Variants in CRB1 observed in about 807,000 individuals in gnomAD.
CRB1 encodes the protein crumbs cell polarity complex component 1.
CRB1 carries 83 observed loss-of-function variants against 120.0 expected under a neutral mutation model. The ratio of observed to expected loss-of-function variants is 0.69; its 90% confidence interval spans 0.58 to 0.83. The LOEUF (loss-of-function observed/expected upper bound fraction) is 0.83. CRB1 is among the 40% of genes least tolerant of loss of function. The pLI is 0.00. For synonymous variants in CRB1, 625 were observed against 612.5 expected, an observed-to-expected ratio of 1.02 and a Z score of -0.30; for missense variants, 1,699 against 1,687.6, an observed-to-expected ratio of 1.01 and a Z score of -0.12.
chr1:197,223,425 T>G, the CRB1 span, among the ~76,000 whole-genome samples: 5 of 152,324 alleles, frequency 3.3e-5, 1 homozygote, highest in South Asian at 1.0e-3. Context: ...ATTACAGTAT[T>G]GATGTGAATC....
At chr1:197,281,742 T>C (rs919311666) in intron 1 of CRB1, among the ~76,000 whole-genome samples, 2 of 151,850 alleles carry the variant, frequency 1.3e-5, no homozygotes, top group African/African-American at 2.4e-5. Context: ...AAAGGGAGGA[T>C]AGCGAAGAAT....
intron 5 of CRB1, among the ~76,000 whole-genome samples, chr1:197,398,889 T>C (rs1172451043): frequency 1.6e-5 from 2 of 124,732 alleles, no homozygotes; most frequent in African/African-American, 6.0e-5. Flanking sequence ...GGTCAGGAAA[T>C]GATTGTGTGT....
chr1:197,392,612 A>G (rs1454820164), intron 5 of CRB1, among the ~76,000 whole-genome samples: 2 of 152,146 alleles, frequency 1.3e-5, no homozygotes, highest in South Asian at 2.1e-4. Flanking sequence ...GGGAAAAGAG[A>G]AACAGGATAA....
At chr1:197,270,759 G>A (rs1047891324) in intron 1 of CRB1, among the ~76,000 whole-genome samples, 2 of 152,098 alleles carry the variant, frequency 1.3e-5, no homozygotes, top group Non-Finnish European at 2.9e-5. Flanking sequence ...TGGTAGATCT[G>A]GAATGTGAAC....
Position 197,427,922 on chromosome 1 carries a change from C to A in CRB1, c.2597C>A (p.Pro866Gln). The change falls in exon 7 of 12, where the codon CCA becomes CAA. Residue 866 changes from proline (P) to glutamine (Q), a missense_variant. By Grantham distance (76) the Pro-to-Gln change is moderately conservative. Transcript: ENST00000367400. ...AACAACCAAAATCTGGAATTCTTTC[C>A]AAATCCAACAAACAATGCATCTCTC... ...RLNNQNLEFF[P>Q]NPTNNASLNP... The A allele has an allele frequency of 6.2e-7, 1 of 1,613,948 alleles. No individual in the cohort carries two copies. The highest frequency in any genetic ancestry group is 1.1e-5 in the South Asian group (1 of 91,066).
intron 1 of CRB1, among the ~76,000 whole-genome samples, chr1:197,309,045 ATATT>A (rs752399739): frequency 5.3e-5 from 8 of 151,612 alleles, no homozygotes; most frequent in African/African-American, 1.5e-4. Flanking sequence ...GTATATGTAT[ATATT>A]TATGTTACAT....
chr1:197,408,870 C>T (rs1310189710), intron 5 of CRB1, among the ~76,000 whole-genome samples: 2 of 152,208 alleles, frequency 1.3e-5, no homozygotes, highest in African/African-American at 2.4e-5. Context: ...CAGTGCTGTA[C>T]TTTCTACTTG....
intron 11 of CRB1, 128 bp downstream of exon 11, chr1:197,442,420 A>G: frequency 1.9e-6 from 3 of 1,599,656 alleles, no homozygotes; most frequent in Non-Finnish European, 1.7e-6. Flanking sequence ...GATTATTAAC[A>G]TACATTTGAA....
chr1:197,463,740 T>C (rs1351069460), intron 11 of CRB1, among the ~76,000 whole-genome samples: 1 of 152,210 alleles, frequency 6.6e-6, no homozygotes, highest in African/African-American at 2.4e-5. Flanking sequence ...CAGAAAATAT[T>C]AAATCCTCAG....
chr1:197,222,414 T>G, the CRB1 span: 8 of 768,094 alleles, frequency 1.0e-5, no homozygotes, highest in South Asian at 1.1e-4. Flanking sequence ...AGGTGACCTA[T>G]TTCATCGTCC....
rs191539734 is a variant in CRB1, at chr1:197,476,734, C to T, written c.4006-930C>T. On this transcript the variant is annotated intron_variant, in intron 11 of 11. Transcript: ENST00000367400. Reference sequence around the variant, plus strand: ...CATTTGTAATAGATTGGTTTGGTAACGTGGGGATGAGTCCTAGAGAAAGCT... The same window carrying T: ...CATTTGTAATAGATTGGTTTGGTAATGTGGGGATGAGTCCTAGAGAAAGCT... Among the ~76,000 whole-genome samples, 139 of 152,160 alleles carry T rather than the reference C, an allele frequency of 9.1e-4. No homozygotes were observed. The South Asian group carries it at 9.8e-3, about 11-fold the overall frequency.
chr1:197,331,505 G>A (rs954501113), intron 2 of CRB1, among the ~76,000 whole-genome samples: 5 of 152,090 alleles, frequency 3.3e-5, no homozygotes, highest in Non-Finnish European at 7.4e-5. Flanking sequence ...ATACTGAGGT[G>A]TCTCTTTCTT....
At chr1:197,469,818 G>A (rs1247004159) in intron 11 of CRB1, among the ~76,000 whole-genome samples, 1 of 152,042 alleles carries the variant, frequency 6.6e-6, no homozygotes, top group Non-Finnish European at 1.5e-5. Flanking sequence ...GCTCCTGATT[G>A]TATCACGTGA....
At chr1:197,464,423 C>T (rs1422408382) in intron 11 of CRB1, among the ~76,000 whole-genome samples, 1 of 151,854 alleles carries the variant, frequency 6.6e-6, no homozygotes, top group Non-Finnish European at 1.5e-5. Context: ...TCCCTGAGGA[C>T]AAGCAATCTA....
chr1:197,315,272 T>C (rs1013175789), intron 1 of CRB1, among the ~76,000 whole-genome samples: 2 of 152,216 alleles, frequency 1.3e-5, no homozygotes, highest in Non-Finnish European at 2.9e-5. Flanking sequence ...GCCAAACTAG[T>C]TTGGTTTCAC....
intron 3 of CRB1, among the ~76,000 whole-genome samples, chr1:197,346,092 A>G (rs1659756583): frequency 6.6e-6 from 1 of 152,202 alleles, no homozygotes; most frequent in African/African-American, 2.4e-5. Context: ...TCCAATGGAA[A>G]TGTAAACAAG....
chr1:197,358,611 C>T (rs1164896763), intron 5 of CRB1, among the ~76,000 whole-genome samples: 1 of 152,180 alleles, frequency 6.6e-6, no homozygotes, highest in Non-Finnish European at 1.5e-5. Flanking sequence ...CATCAGTTGT[C>T]CTACAAATGG....
intron 3 of CRB1, among the ~76,000 whole-genome samples, chr1:197,346,501 C>T (rs757254626): frequency 4.6e-5 from 7 of 152,068 alleles, no homozygotes; most frequent in Non-Finnish European, 8.8e-5. Context: ...AGATTACAGT[C>T]ACTTACAATA....
chr1:197,285,439 A>G (rs1458489493), intron 1 of CRB1, among the ~76,000 whole-genome samples: 1 of 151,860 alleles, frequency 6.6e-6, no homozygotes, highest in Non-Finnish European at 1.5e-5. Flanking sequence ...ACTAGTTAGA[A>G]GAATGTCAAA....
Sources: gnomAD v4.1 joint callset for allele counts (sites outside exome capture counted in the v4.1 genomes callset) on GRCh38, gnomAD v4.1.1 for gene constraint, MANE v1.5 for transcripts, NCBI Gene and HGNC (gene_info 2026-07-23, HGNC 2026-07-21) for gene names.